CSF1: variants seen among roughly 807,000 people sequenced by gnomAD.
CSF1 encodes macrophage colony-stimulating factor 1.
A neutral mutation model predicts 48.9 loss-of-function variants in CSF1; 9 were observed. The ratio of observed to expected loss-of-function variants is 0.18; its 90% CI spans 0.11 to 0.32. The LOEUF is 0.32. CSF1 is among the 10% of genes least tolerant of loss of function. The probability of loss-of-function intolerance (pLI) is 1.00; values close to 1 mark genes in which losing one functional copy is unlikely to be tolerated. For missense variants in CSF1, 672 were observed against 697.9 expected, an observed-to-expected ratio of 0.96 and a Z score of 0.42; for synonymous variants, 305 against 284.1, an observed-to-expected ratio of 1.07 and a Z score of -0.74.
At chr1:109,927,522 G>A (rs1170300292) in intron 8 of CSF1, among the ~76,000 whole-genome samples, 3 of 152,104 alleles carry the variant, frequency 2.0e-5, no homozygotes, top group Non-Finnish European at 4.4e-5. Flanking sequence ...CCTCGCCGTG[G>A]TCTTGGCCCT....
At chr1:109,920,193 CAA>C (rs34335024) in intron 4 of CSF1, among the ~76,000 whole-genome samples, 11 of 129,746 alleles carry the variant, frequency 8.5e-5, no homozygotes, top group Non-Finnish European at 6.6e-5. Flanking sequence ...GACTTCATCT[CAA>C]AAAAAAAAAA....
Position 109,923,627 on chromosome 1 carries a change from G to A in CSF1, c.1006G>A (p.Glu336Lys). The change falls in exon 6 of 9, where the codon GAG (glutamate) becomes AAG (lysine). Residue 336 changes from glutamate to lysine, a missense_variant. Around this residue, in one of 3 missense-constraint regions of CSF1, gnomAD observed 591 missense variants for 593.6 expected, o/e 1.00. Coordinates refer to ENST00000329608, the MANE Select transcript of CSF1 (RefSeq NM_000757.6). Reference sequence around the variant, plus strand: ...GCCAGGAGGGGGCAGCATGCAGACAGAGCCCGCCAGACCCAGCAACTTCCT... The same window carrying A: ...GCCAGGAGGGGGCAGCATGCAGACAAAGCCCGCCAGACCCAGCAACTTCCT... The part of the protein sequence containing the change: ...SRPGGGSMQT[E>K]PARPSNFLSA... 1.9e-6 allele frequency: 3 copies of A among 1,614,118 alleles called. No individual in the cohort carries two copies. The highest frequency in any genetic ancestry group is 2.5e-6 in the Non-Finnish European group (3 of 1,179,994).
At chr1:109,912,084 A>G (rs1654713503) in intron 1 of CSF1, among the ~76,000 whole-genome samples, 1 of 152,090 alleles carries the variant, frequency 6.6e-6, no homozygotes, top group African/African-American at 2.4e-5. Flanking sequence ...GAGTGGGTCC[A>G]CAGAAAGAAA....
Position 109,924,024 on chromosome 1 carries a change from T to G in CSF1, c.1403T>G (p.Leu468Arg), listed in dbSNP as rs1349138867. The G allele has an allele frequency of 6.2e-7, 1 of 1,614,064 alleles. No individual in the cohort carries two copies. The highest frequency in any genetic ancestry group is 8.5e-7 in the Non-Finnish European group (1 of 1,180,042). The change falls in exon 6 of 9, where the codon CTG becomes CGG. Residue 468 changes from leucine to arginine, a missense_variant. By Grantham distance (102) the Leu-to-Arg change is moderately radical (BLOSUM62 -2). This residue lies in a region of CSF1 where 591 missense variants were observed against 593.6 expected (regional missense o/e 1.00). Coordinates refer to ENST00000329608, the MANE Select transcript of CSF1 (RefSeq NM_000757.6). ...GCAAGTGAAGGGGCAGCCAGGCCCC[T>G]GCCCCGTTTTAACTCCGTTCCTTTG... ...GPASEGAARP[L>R]PRFNSVPLTD...
chr1:109,930,282 A>G lies in CSF1; in HGVS notation c.*1444A>G. On this transcript the variant is annotated 3_prime_UTR_variant, in exon 9 of 9. Transcript: ENST00000329608. ...CTCTAACCAGGCAAGCCAGGGTGGGAGAGCAATCAGGAGAGCCAGGCCTCA... is the reference window on the plus strand; with the variant it reads ...CTCTAACCAGGCAAGCCAGGGTGGGGGAGCAATCAGGAGAGCCAGGCCTCA... 1 of 152,376 alleles carries G rather than the reference A, an allele frequency of 6.6e-6. No homozygotes were observed. The highest frequency in any genetic ancestry group is 1.9e-4 in the East Asian group (1 of 5,168). The allele number at this position is 152,376 out of a possible 1,614,324, so 9.4% of individuals were successfully genotyped here. A position where few individuals can be genotyped will look rare whatever the true frequency, so the allele number is the denominator to read the frequency against.
At chr1:109,919,084 A>G (rs1647393533) in intron 4 of CSF1, among the ~76,000 whole-genome samples, 1 of 152,220 alleles carries the variant, frequency 6.6e-6, no homozygotes, top group Non-Finnish European at 1.5e-5. Context: ...AAAATTGTCC[A>G]TTGGATTTGG....
intron 8 of CSF1, among the ~76,000 whole-genome samples, chr1:109,925,408 C>A (rs961976239): frequency 6.6e-6 from 1 of 152,218 alleles, no homozygotes; most frequent in African/African-American, 2.4e-5. Context: ...TCCATTCCAT[C>A]CACCCCCGCT....
intron 8 of CSF1, among the ~76,000 whole-genome samples, chr1:109,927,488 C>T (rs1557739664): frequency 6.6e-6 from 1 of 152,194 alleles, no homozygotes; most frequent in Non-Finnish European, 1.5e-5. Context: ...AACACCCTTC[C>T]CACGGGTCGT....
In CSF1 at chr1:109,912,629, G is replaced by A. The variant is rs557323979; in HGVS notation, c.39+1567G>A. Among the ~76,000 whole-genome samples the A allele has an allele frequency of 5.8e-4, 89 of 152,288 alleles. 1 individual carries two copies. In the South Asian group the frequency reaches 0.018, roughly 31 times the overall value. On this transcript the variant is annotated intron_variant, in intron 1 of 8. Transcript: ENST00000329608. ...TGTCATCAAAGCCAGACAGCCCTTG[G>A]GGTTAAGCATTGCTCCCACCTTGCT...
intron 2 of CSF1, 32 bp downstream of exon 2, chr1:109,914,413 C>G (rs773772397): frequency 1.9e-6 from 3 of 1,543,972 alleles, no homozygotes; most frequent in African/African-American, 2.7e-5. Context: ...ATTCTACCTT[C>G]TCCCCACTGG....
intron 3 of CSF1, 24 bp downstream of exon 3, chr1:109,915,720 T>C: frequency 6.3e-7 from 1 of 1,595,134 alleles, no homozygotes; most frequent in Non-Finnish European, 8.6e-7. Context: ...TTTTACAAAA[T>C]CCATGCACCA....
chr1:109,924,595 C>A (rs1647752923), intron 6 of CSF1, among the ~76,000 whole-genome samples, 181 bp from the exon 7 acceptor site: 1 of 152,084 alleles, frequency 6.6e-6, no homozygotes, highest in South Asian at 2.1e-4. Flanking sequence ...GGAGAGGGGA[C>A]ACCATCAGCA....
rs3768483 is a variant in CSF1 at position 109,916,561 on chromosome 1, C to A, written c.226-732C>A. Reference sequence around the variant, plus strand: ...ACTGTCATGCCTTTCCACCTGCCCCCCAATCATTATTCCACATCTATTCAT... The same window carrying A: ...ACTGTCATGCCTTTCCACCTGCCCCACAATCATTATTCCACATCTATTCAT... On this transcript the variant is annotated intron_variant, in intron 3 of 8. Transcript: ENST00000329608. Among the ~76,000 whole-genome samples, 15 of 152,306 alleles carry A rather than the reference C, an allele frequency of 9.8e-5. No individual in the cohort carries two copies. The East Asian group carries it at 2.7e-3, about 27-fold the overall frequency.
Position 109,923,427 on chromosome 1 carries a change from T to C in CSF1, c.806T>C (p.Val269Ala). The change falls in exon 6 of 9, where the codon GTC becomes GCC. Residue 269 changes from valine to alanine, a missense_variant. Physicochemically the swap from Val to Ala is moderately conservative, Grantham distance 64 (BLOSUM62 0). Around this residue, in one of 3 missense-constraint regions of CSF1, gnomAD observed 591 missense variants for 593.6 expected, o/e 1.00. Transcript: ENST00000329608. ...QSFEPPETPV[V>A]KDSTIGGSPQ... The stretch of plus-strand genomic sequence containing the variant: ...TTTGAGCCGCCAGAGACCCCAGTTG[T>C]CAAGGACAGCACCATCGGTGGCTCA... The C allele has an allele frequency of 6.2e-7, 1 of 1,614,036 alleles. No homozygotes were observed. Among genetic ancestry groups the C allele is most frequent in the South Asian group, 1.1e-5 (1 of 91,080 alleles).
Position 109,924,177 on chromosome 1 carries a change from G to A in CSF1, c.1556G>A (p.Arg519Lys). The A allele has an allele frequency of 2.5e-6, 4 of 1,609,606 alleles. No individual in the cohort carries two copies. Among genetic ancestry groups the A allele is most frequent in the Non-Finnish European group, 3.4e-6 (4 of 1,177,706 alleles). Reference sequence around the variant, plus strand: ...GCCGTCGGAGGCCTCTTGTTCTACAGGTGGAGGCGGCGGGTGAGTAGATCC... The same window carrying A: ...GCCGTCGGAGGCCTCTTGTTCTACAAGTGGAGGCGGCGGGTGAGTAGATCC... The part of the protein sequence containing the change: ...LLAVGGLLFY[R>K]WRRRSHQEPQ... The change falls in exon 6 of 9, where the codon AGG (arginine) becomes AAG (lysine). Residue 519 changes from arginine (R) to lysine (K), a missense_variant. Arg to Lys is a conservative substitution (Grantham distance 26, BLOSUM62 2). Around this residue, in one of 3 missense-constraint regions of CSF1, gnomAD observed 591 missense variants for 593.6 expected, o/e 1.00. Coordinates refer to ENST00000329608, the MANE Select transcript of CSF1 (RefSeq NM_000757.6).
At chr1:109,912,400 AAG>A (rs1366295137) in intron 1 of CSF1, among the ~76,000 whole-genome samples, 3 of 152,098 alleles carry the variant, frequency 2.0e-5, no homozygotes, top group Admixed American at 1.3e-4. Flanking sequence ...CCCCAGGCAG[AAG>A]CCAGGGCTAG....
intron 5 of CSF1, 71 bp from the exon 6 acceptor site, chr1:109,923,095 A>T: frequency 7.0e-7 from 1 of 1,422,246 alleles, no homozygotes; most frequent in Non-Finnish European, 9.4e-7. Flanking sequence ...GCTCTGGGAA[A>T]GCTGTGCTGG....
At position 109,921,927 on chromosome 1, in the gene CSF1, C is replaced by T; in HGVS notation, c.477C>T (p.Leu159=). The change falls in exon 5 of 9, where the codon CTC becomes CTT. Residue 159 remains leucine, a synonymous_variant. Coordinates refer to ENST00000329608, the MANE Select transcript of CSF1 (RefSeq NM_000757.6). ...ATGTCTTTAATGAAACAAAGAATCT[C>T]CTTGACAAGGACTGGAATATTTTCA... ...VKNVFNETKN[L]LDKDWNIFSK... 1 of 1,612,118 alleles carries T rather than the reference C, an allele frequency of 6.2e-7. No homozygotes were observed.
At chr1:109,913,328 C>T (rs887972635) in intron 1 of CSF1, among the ~76,000 whole-genome samples, 3 of 152,184 alleles carry the variant, frequency 2.0e-5, no homozygotes, top group Admixed American at 6.5e-5. Flanking sequence ...GAGGTGACCT[C>T]AAGCTGGAGA....
Sources: allele counts gnomAD v4.1 joint callset (sites outside exome capture counted in the v4.1 genomes callset), GRCh38; gene constraint gnomAD v4.1.1; regional missense constraint gnomAD v4.1.1; transcripts MANE v1.5; gene names NCBI Gene and HGNC (gene_info 2026-07-23, HGNC 2026-07-21).